BID: variants seen among roughly 807,000 people sequenced by gnomAD.
BID encodes the protein BH3-interacting domain death agonist.
In BID, 19 loss-of-function variants were observed where a neutral mutation model predicts 17.4. The ratio of observed to expected loss-of-function variants is 1.09; its 90% CI spans 0.76 to 1.60. The LOEUF is 1.60. Ranked by LOEUF, BID falls within the 40% of genes most tolerant of loss-of-function variation. The pLI is 0.00. For synonymous variants in BID, 108 were observed against 102.8 expected (o/e 1.05, Z -0.31); for missense variants, 226 against 256.0 (o/e 0.88, Z 0.80).
chr22:17,754,114 G>A (rs13057915), intron 1 of BID, among the ~76,000 whole-genome samples: 9,277 of 149,142 alleles, frequency 0.062, 498 homozygotes, highest in Non-Finnish European at 0.094. Flanking sequence ...TCTGCCAGAT[G>A]GGGGTGACAT....
chr22:17,754,609 C>T (rs902970492), intron 1 of BID, among the ~76,000 whole-genome samples: 1 of 152,388 alleles, frequency 6.6e-6, no homozygotes, highest in Middle Eastern at 3.4e-3. Context: ...CGGGGACAAG[C>T]ACAGCACACA....
Position 17,773,487 on chromosome 22 carries a change from G to C in BID, c.-59+894C>G, listed in dbSNP as rs908142616. ...AGGGTGTGGATAAGGCTCCAGGAAG[G>C]GGGTGCAAGCCTGAGAAGGTGGAAG... On this transcript the variant is annotated intron_variant, in intron 1 of 5. Transcript: ENST00000622694. This position sits in a 1 kb window ranked among gnomAD's most constrained non-coding sequence, Gnocchi z 4.4. 3.0e-5 allele frequency: 29 copies of C among 976,004 alleles called. No individual in the cohort carries two copies. The highest frequency in any genetic ancestry group is 1.4e-4 in the Admixed American group (7 of 50,876). 60.5% of individuals were successfully genotyped at this position (976,004 alleles called of 1,614,324 possible).
chr22:17,773,569 G>A lies in BID; in HGVS notation c.-59+812C>T. 6.2e-7 allele frequency: 1 copy of A among 1,607,198 alleles called. No homozygotes were observed. The highest frequency in any genetic ancestry group is 8.5e-7 in the Non-Finnish European group (1 of 1,176,808). On this transcript the variant is annotated intron_variant, in intron 1 of 5. Coordinates refer to ENST00000622694, the MANE Select transcript of BID (RefSeq NM_001196.4). The surrounding 1 kb of genome is among the most constrained non-coding windows in gnomAD (Gnocchi z 4.4). The stretch of plus-strand genomic sequence containing the variant: ...GCCCCAACCCTGCCTGCAGGTGAAG[G>A]CCGGTCCAGCCGCAGAAGGCCCAGC...
intron 3 of BID, among the ~76,000 whole-genome samples, chr22:17,743,561 T>G (rs1468926): frequency 0.044 from 6,702 of 152,278 alleles, 213 homozygotes; most frequent in African/African-American, 0.095. Context: ...TGAGATTCTG[T>G]CTCAACAGAA....
At chr22:17,762,957 T>C (rs1374346460) in intron 1 of BID, among the ~76,000 whole-genome samples, 1 of 150,988 alleles carries the variant, frequency 6.6e-6, no homozygotes, top group Non-Finnish European at 1.5e-5. Flanking sequence ...CCTCATTACA[T>C]CCTCCGCCTC....
At position 17,773,557 on chromosome 22, in the gene BID, C is replaced by G. The variant is rs1401772894; in HGVS notation, c.-59+824G>C. ...TGCTCCTCACCTGCCCCAACCCTGC[C>G]TGCAGGTGAAGGCCGGTCCAGCCGC... On this transcript the variant is annotated intron_variant, in intron 1 of 5. Transcript: ENST00000622694. The surrounding 1 kb of genome is among the most constrained non-coding windows in gnomAD (Gnocchi z 4.4). The G allele has an allele frequency of 3.1e-6, 5 of 1,593,278 alleles. No homozygotes were observed. In the Admixed American group the frequency reaches 6.7e-5, roughly 21 times the overall value.
rs1387138253 is a variant in BID, at chr22:17,773,393, C to A, written c.-59+988G>T. ...AGAGCTCCCCCCATCTCAAAGCCTC[C>A]TGTGGGTGGAGATGGAATGTGGAAA... On this transcript the variant is annotated intron_variant, in intron 1 of 5. Transcript: ENST00000622694. This position sits in a 1 kb window ranked among gnomAD's most constrained non-coding sequence, Gnocchi z 4.4. 6.6e-6 allele frequency among the ~76,000 whole-genome samples: 1 copy of A among 152,172 alleles called. No homozygotes were observed. Among genetic ancestry groups the A allele is most frequent in the Non-Finnish European group, 1.5e-5 (1 of 68,026 alleles).
intron 5 of BID, 131 bp downstream of exon 5, chr22:17,737,886 C>T (rs2061430858): frequency 2.0e-6 from 2 of 992,494 alleles, no homozygotes; most frequent in Non-Finnish European, 3.1e-6. Flanking sequence ...ACAGCAAAAC[C>T]AAACCCGAGC....
intron 2 of BID, among the ~76,000 whole-genome samples, chr22:17,748,194 G>GAGACTCAAT: frequency 6.8e-6 from 1 of 147,052 alleles, no homozygotes; most frequent in East Asian, 2.1e-4. Flanking sequence ...GGGCGACAGA[G>GAGACTCAAT]CAAAACTGCG....
upstream of BID, chr22:17,774,536 G>C (rs1042344080): frequency 6.3e-6 from 1 of 157,820 alleles, no homozygotes; most frequent in Non-Finnish European, 1.3e-5. Context: ...GCCCCGGCCC[G>C]CCCCCGGCGG....
rs758837211 is a variant in BID, at chr22:17,743,962, A to G, written c.64T>C (p.Phe22Leu). ...TCAGAACAGCTTTGGAGGAAGCCAA[A>G]CACCAGTAGGTTTGTGATGCACTCA... ...RDECITNLLV[F>L]GFLQSCSDNS... The change falls in exon 3 of 6, where the codon TTT (phenylalanine) becomes CTT (leucine). Residue 22 changes from phenylalanine to leucine, a missense_variant. Coordinates refer to ENST00000622694, the MANE Select transcript of BID (RefSeq NM_001196.4). The G allele has an allele frequency of 2.5e-6, 4 of 1,613,910 alleles. No homozygotes were observed. Among genetic ancestry groups the G allele is most frequent in the Admixed American group, 1.7e-5 (1 of 60,002 alleles).
chr22:17,742,156 C>T (rs188335018), intron 3 of BID, among the ~76,000 whole-genome samples: 86 of 152,360 alleles, frequency 5.6e-4, no homozygotes, highest in South Asian at 2.3e-3. Context: ...TTTCCAGGCT[C>T]GCCAGGGACT....
In BID at chr22:17,738,075, G is replaced by T. The variant is rs1425719027; in HGVS notation, c.518C>A (p.Thr173Lys). 1.2e-6 allele frequency: 2 copies of T among 1,614,078 alleles called. No homozygotes were observed. The highest frequency in any genetic ancestry group is 2.7e-5 in the African/African-American group (2 of 74,920). ...GTTCTGGTTAATAAAATTCACTGTTGTGTGAAAGACATCACGGAGCAAGGA... is the reference window on the plus strand; with the variant it reads ...GTTCTGGTTAATAAAATTCACTGTTTTGTGAAAGACATCACGGAGCAAGGA... ...TPSLLRDVFH[T>K]TVNFINQNLR... is the part of the protein sequence containing the mutation. The change falls in exon 5 of 6, where the codon ACA becomes AAA. Residue 173 changes from threonine to lysine, a missense_variant. Coordinates refer to ENST00000622694, the MANE Select transcript of BID (RefSeq NM_001196.4).
In BID at chr22:17,773,928, C is replaced by G; in HGVS notation, c.-59+453G>C. ...CCGCTCGGGAGGAGCCGGCAGGTGT[C>G]TGCGGTGCTGGAAAGACCACGGTGT... is the stretch of plus-strand genomic sequence containing the variant. On this transcript the variant is annotated intron_variant, in intron 1 of 5. Coordinates refer to ENST00000622694, the MANE Select transcript of BID (RefSeq NM_001196.4). The surrounding 1 kb of genome is among the most constrained non-coding windows in gnomAD (Gnocchi z 4.4). The G allele has an allele frequency of 1.7e-6, 1 of 582,292 alleles. No homozygotes were observed. Among genetic ancestry groups the G allele is most frequent in the Non-Finnish European group, 3.1e-6 (1 of 325,624 alleles). The allele number at this position is 582,292 out of a possible 1,614,324, so 36.1% of individuals were successfully genotyped here.
chr22:17,734,310 CTTAAAG>C lies in BID; in HGVS notation c.*1264_*1269del, dbSNP rs1183834589. 2.0e-5 allele frequency: 3 copies of C among 152,196 alleles called. No individual in the cohort carries two copies. Among genetic ancestry groups the C allele is most frequent in the Admixed American group, 2.0e-4 (3 of 15,290 alleles). 9.4% of individuals were successfully genotyped at this position (152,196 alleles called of 1,614,324 possible). A position where few individuals can be genotyped will look rare whatever the true frequency, so the allele number is the denominator to read the frequency against. On this transcript the variant is annotated 3_prime_UTR_variant, in exon 6 of 6. Transcript: ENST00000622694. ...TTTTCCTTTCTGATGATTTTAAACTCTTAAAGAACAGGAAAGCATCTGGTAAGAAGA... is the reference window on the plus strand; with the variant it reads ...TTTTCCTTTCTGATGATTTTAAACTCAACAGGAAAGCATCTGGTAAGAAGA...
intron 1 of BID, among the ~76,000 whole-genome samples, chr22:17,765,931 GTTA>G (rs1387699167): frequency 6.6e-6 from 1 of 152,152 alleles, no homozygotes; most frequent in Non-Finnish European, 1.5e-5. Flanking sequence ...GATGATTATT[GTTA>G]TTATTATTAT....
At chr22:17,745,989 AAAT>A (rs2061492843) in intron 2 of BID, among the ~76,000 whole-genome samples, 1 of 145,198 alleles carries the variant, frequency 6.9e-6, no homozygotes, top group African/African-American at 2.9e-5. Flanking sequence ...CAAACAACAA[AAAT>A]AAATAAATAA....
chr22:17,740,462 C>T (rs181393), intron 3 of BID: 225,475 of 328,532 alleles, frequency 0.69, 78,792 homozygotes, highest in East Asian at 0.94. Flanking sequence ...CGGAGTCTTG[C>T]TCTGTCACCC....
chr22:17,774,071 T>A (rs2061741669), intron 1 of BID: 2 of 308,176 alleles, frequency 6.5e-6, no homozygotes, highest in Non-Finnish European at 6.1e-6. Flanking sequence ...ACCCCTCCCC[T>A]GAATCCCCAG....
Sources: allele counts gnomAD v4.1 joint callset (sites outside exome capture counted in the v4.1 genomes callset), GRCh38; gene constraint gnomAD v4.1.1; non-coding constraint Gnocchi (gnomAD v3.1); transcripts MANE v1.5; gene names NCBI Gene and HGNC (gene_info 2026-07-23, HGNC 2026-07-21).